Variants in MYT1 observed in about 807,000 individuals in gnomAD.
MYT1 encodes myelin transcription factor 1, also known as myelin transcription factor I.
MYT1 carries 23 observed loss-of-function variants against 123.0 expected under a neutral mutation model. The ratio of observed to expected loss-of-function variants is 0.19; its 90% CI spans 0.13 to 0.26. The LOEUF (loss-of-function observed/expected upper bound fraction) is 0.26. Among genes scored for constraint, MYT1 ranks in the 10% least tolerant of loss-of-function variants. The pLI, the probability that MYT1 is intolerant of heterozygous loss-of-function variation, is 1.00. For missense variants in MYT1, 1,125 were observed against 1,472.5 expected, an observed-to-expected ratio of 0.76 and a Z score of 3.86; for synonymous variants, 518 against 575.3, an observed-to-expected ratio of 0.90 and a Z score of 1.43.
Position 64,231,023 on chromosome 20 carries a change from C to A in MYT1, c.2676-1141C>A, listed in dbSNP as rs986272528. On this transcript the variant is annotated intron_variant, in intron 18 of 22. Transcript: ENST00000328439. This position sits in a 1 kb window ranked among gnomAD's most constrained non-coding sequence, Gnocchi z 6.4. ...CCTGAGCCGCCTCTCACCCCTACGG[C>A]GGGAGCCTCTGCCCCCGCCCCCGCC... Among the ~76,000 whole-genome samples, 2 of 152,126 alleles carry A rather than the reference C, an allele frequency of 1.3e-5. No homozygotes were observed. Among genetic ancestry groups the A allele is most frequent in the African/African-American group, 4.8e-5 (2 of 41,434 alleles).
rs944143609 is a variant in MYT1 at position 64,166,061 on chromosome 20, C to A, written c.-99+1322C>A. Among the ~76,000 whole-genome samples the A allele has an allele frequency of 6.6e-6, 1 of 152,154 alleles. No homozygotes were observed. Among genetic ancestry groups the A allele is most frequent in the Admixed American group, 6.5e-5 (1 of 15,288 alleles). ...ACAGGGCTGACTGAGGGAGGCTCCC[C>A]TCGGCCCCCAGCCTCCCTGCCACCC... On this transcript the variant is annotated intron_variant, in intron 1 of 22. Transcript: ENST00000328439. The surrounding 1 kb of genome is among the most constrained non-coding windows in gnomAD (Gnocchi z 4.9).
At chr20:64,221,450 G>A (rs1476475614) in intron 13 of MYT1, among the ~76,000 whole-genome samples, 1 of 152,350 alleles carries the variant, frequency 6.6e-6, no homozygotes, top group East Asian at 1.9e-4. Context: ...TGCGATTGTT[G>A]TAATTTGTAT....
intron 13 of MYT1, among the ~76,000 whole-genome samples, chr20:64,221,374 C>T (rs1983994696): frequency 6.6e-6 from 1 of 152,238 alleles, no homozygotes; most frequent in Non-Finnish European, 1.5e-5. Context: ...AAGCCTTTAT[C>T]AAGCACCTGC....
intron 7 of MYT1, among the ~76,000 whole-genome samples, chr20:64,210,703 C>T (rs1983641556): frequency 6.6e-6 from 1 of 152,236 alleles, no homozygotes; most frequent in East Asian, 1.9e-4. Flanking sequence ...CCGGCCTGGA[C>T]CTGCAGAGGC....
At position 64,213,559 on chromosome 20, in the gene MYT1, G is replaced by A. The variant is rs766816369; in HGVS notation, c.1543G>A (p.Ala515Thr). 2 of 1,614,026 alleles carry A rather than the reference G, an allele frequency of 1.2e-6. No homozygotes were observed. Among genetic ancestry groups the A allele is most frequent in the Admixed American group, 1.7e-5 (1 of 60,018 alleles). ...TTTGTCTGGGTGTCCCATTGCTGCC[G>A]CCGAAAAATTAGCCAAATCCCATGA... ...RSLSGCPIAA[A>T]EKLAKSHEKQ... is the part of the protein sequence containing the mutation. Residue 515 changes from alanine to threonine, a missense_variant, in exon 10 of 23, where the codon GCC becomes ACC. This residue lies in a region of MYT1 where 429 missense variants were observed against 604.1 expected (regional missense o/e 0.71). Transcript: ENST00000328439. The surrounding 1 kb of genome is among the most constrained non-coding windows in gnomAD (Gnocchi z 5.6).
chr20:64,169,862 T>C (rs557566438), intron 1 of MYT1, among the ~76,000 whole-genome samples: 1 of 152,338 alleles, frequency 6.6e-6, no homozygotes, highest in African/African-American at 2.4e-5. Context: ...GAACGTGTTC[T>C]GTACTGGACA....
In MYT1 at chr20:64,219,029, C is replaced by T; in HGVS notation, c.1965C>T (p.Pro655=). 1.2e-6 allele frequency: 2 copies of T among 1,612,870 alleles called. No individual in the cohort carries two copies. Among genetic ancestry groups the T allele is most frequent in the South Asian group, 1.1e-5 (1 of 91,012 alleles). The change falls in exon 12 of 23, where the codon CCC becomes CCT. Residue 655 remains proline, a synonymous_variant. Transcript: ENST00000328439. ...TCAGCACGAAGCCACAGGACCTCCCCAGCAAGGTTAGTACATCTGCCACAG... is the reference window on the plus strand; with the variant it reads ...TCAGCACGAAGCCACAGGACCTCCCTAGCAAGGTTAGTACATCTGCCACAG... ...ENLSTKPQDL[P]SKSVDIEVDE...
intron 1 of MYT1, among the ~76,000 whole-genome samples, chr20:64,176,455 T>C (rs1569305383): frequency 1.3e-5 from 2 of 151,800 alleles, no homozygotes; most frequent in Admixed American, 6.6e-5. Flanking sequence ...TCTTTCCCTG[T>C]AGTTGTGTCC....
chr20:64,237,251 G>T (rs1225709229), intron 20 of MYT1, 36 bp from the exon 21 acceptor site: 1 of 1,582,548 alleles, frequency 6.3e-7, no homozygotes, highest in Non-Finnish European at 8.6e-7. Flanking sequence ...CCTGCCTGAG[G>T]CCCAAAGCCA....
chr20:64,205,409 T>C, intron 5 of MYT1, 144 bp from the exon 6 acceptor site: 2 of 1,323,938 alleles, frequency 1.5e-6, no homozygotes, highest in Non-Finnish European at 2.1e-6. Flanking sequence ...TGCACTTTGC[T>C]TTTTTTGTCC....
rs1982945587 is a variant in MYT1, at chr20:64,190,782, A to G, written c.-1+622A>G. Among the ~76,000 whole-genome samples, 1 of 150,538 alleles carries G rather than the reference A, an allele frequency of 6.6e-6. No individual in the cohort carries two copies. The highest frequency in any genetic ancestry group is 1.5e-5 in the Non-Finnish European group (1 of 67,724). ...TCAAGAGTTCAAGACCAGCCTGGCC[A>G]ACATGGTGAAACCCCGTCTTTACTA... is the stretch of plus-strand genomic sequence containing the variant. On this transcript the variant is annotated intron_variant, in intron 2 of 22. Transcript: ENST00000328439. This position sits in a 1 kb window ranked among gnomAD's most constrained non-coding sequence, Gnocchi z 4.1.
intron 1 of MYT1, among the ~76,000 whole-genome samples, chr20:64,179,979 TAC>T (rs1019100899): frequency 2.3e-4 from 34 of 145,132 alleles, no homozygotes; most frequent in Non-Finnish European, 4.0e-4. Flanking sequence ...ACTCACATGC[TAC>T]ACACAGTTAC....
intron 4 of MYT1, among the ~76,000 whole-genome samples, chr20:64,204,212 A>G (rs571879879): frequency 1.3e-5 from 2 of 152,352 alleles, no homozygotes; most frequent in African/African-American, 4.8e-5. Flanking sequence ...GTTGGTTGGC[A>G]TAGTCAGTAC....
At chr20:64,199,030 G>T (rs1601709459) in intron 3 of MYT1, 114 bp downstream of exon 3, 6 of 1,035,376 alleles carry the variant, frequency 5.8e-6, no homozygotes, top group Non-Finnish European at 8.6e-6. Flanking sequence ...GGGACCTCAG[G>T]CCTCTTCAGC....
rs1983910858 is a variant in MYT1, at chr20:64,218,802, T to C, written c.1847-109T>C. On this transcript the variant is annotated intron_variant, in intron 11 of 22. Coordinates refer to ENST00000328439, the MANE Select transcript of MYT1 (RefSeq NM_004535.3). This position sits in a 1 kb window ranked among gnomAD's most constrained non-coding sequence, Gnocchi z 4.0. ...TTGCTGCCTCTTTTCAAGTTGTATA[T>C]CAGCCTGGTGTTGTTCCCTTTTTGC... 6.8e-7 allele frequency: 1 copy of C among 1,466,860 alleles called. No homozygotes were observed. Among genetic ancestry groups the C allele is most frequent in the Admixed American group, 1.7e-5 (1 of 59,538 alleles). The allele number at this position is 1,466,860 out of a possible 1,614,324, so 90.9% of individuals were successfully genotyped here.
At position 64,212,339 on chromosome 20, in the gene MYT1, G is replaced by A. The variant is rs922002635; in HGVS notation, c.1517+201G>A. Among the ~76,000 whole-genome samples the A allele has an allele frequency of 2.0e-5, 3 of 152,132 alleles. No homozygotes were observed. Among genetic ancestry groups the A allele is most frequent in the Non-Finnish European group, 4.4e-5 (3 of 68,004 alleles). On this transcript the variant is annotated intron_variant, in intron 9 of 22. Coordinates refer to ENST00000328439, the MANE Select transcript of MYT1 (RefSeq NM_004535.3). This position sits in a 1 kb window ranked among gnomAD's most constrained non-coding sequence, Gnocchi z 6.8. ...GGGCCGTGAGCCCGTGACCTGGGAC[G>A]GGGCTCTGGCCTGCCTGGGGCTCCC...
intron 4 of MYT1, among the ~76,000 whole-genome samples, chr20:64,201,856 C>T (rs942479037): frequency 6.6e-6 from 1 of 152,174 alleles, no homozygotes; most frequent in East Asian, 1.9e-4. Flanking sequence ...GACCATGGCA[C>T]TGGATGAGCT....
intron 19 of MYT1, among the ~76,000 whole-genome samples, chr20:64,235,117 G>A (rs1456594766): frequency 2.5e-4 from 35 of 138,044 alleles, no homozygotes; most frequent in South Asian, 4.8e-4. Flanking sequence ...GTGACCCTGG[G>A]ATGGTCATGA....
At chr20:64,227,561 G>A in intron 17 of MYT1, 84 bp downstream of exon 17, 1 of 1,234,848 alleles carries the variant, frequency 8.1e-7, no homozygotes, top group Non-Finnish European at 1.2e-6. Context: ...AGACACTAAT[G>A]TTGCTGACAG....
Sources: allele counts gnomAD v4.1 joint callset (sites outside exome capture counted in the v4.1 genomes callset), GRCh38; gene constraint gnomAD v4.1.1; regional missense constraint gnomAD v4.1.1; non-coding constraint Gnocchi (gnomAD v3.1); transcripts MANE v1.5; gene names NCBI Gene and HGNC (gene_info 2026-07-23, HGNC 2026-07-21).